Variants in AKAP12 observed in about 807,000 individuals in gnomAD.
AKAP12 encodes A-kinase anchoring protein 12.
AKAP12 carries 32 observed loss-of-function variants against 79.9 expected under a neutral mutation model. The ratio of observed to expected loss-of-function variants is 0.40; its 90% CI spans 0.30 to 0.54. AKAP12 has a LOEUF of 0.54. AKAP12 is among the 20% of genes least tolerant of loss of function. The pLI, the probability that AKAP12 is intolerant of heterozygous loss-of-function variation, is 0.48. For synonymous variants in AKAP12, 808 were observed against 857.0 expected (o/e 0.94, Z 1.00); for missense variants, 2,074 against 2,177.0 (o/e 0.95, Z 0.94).
chr6:151,273,351 T>C (rs1172829437), intron 2 of AKAP12, among the ~76,000 whole-genome samples: 2 of 152,218 alleles, frequency 1.3e-5, no homozygotes, highest in Admixed American at 1.3e-4. Context: ...GTTTGACTGT[T>C]AGATGCTAGT....
chr6:151,271,979 T>A (rs1008024603), intron 2 of AKAP12, among the ~76,000 whole-genome samples: 1 of 152,138 alleles, frequency 6.6e-6, no homozygotes, highest in Admixed American at 6.5e-5. Flanking sequence ...TTTAATGATA[T>A]CATCTAAGAT....
chr6:151,332,032 T>TG (rs1777686257), intron 3 of AKAP12, among the ~76,000 whole-genome samples: 1 of 95,676 alleles, frequency 1.0e-5, no homozygotes, highest in Admixed American at 9.5e-5. Flanking sequence ...GTTCTGGGTC[T>TG]GTTTTTTTTT....
chr6:151,272,613 G>A (rs1281285057), intron 2 of AKAP12, among the ~76,000 whole-genome samples: 8 of 152,290 alleles, frequency 5.3e-5, no homozygotes, highest in Admixed American at 2.6e-4. Flanking sequence ...TCGGCTCACT[G>A]CAACCTCTGC....
chr6:151,325,920 G>A, intron 3 of AKAP12: 1 of 1,614,176 alleles, frequency 6.2e-7, no homozygotes, highest in Non-Finnish European at 8.5e-7. Context: ...TGTCCTCCCT[G>A]GACGGCAGGC....
intron 2 of AKAP12, among the ~76,000 whole-genome samples, chr6:151,251,807 G>A (rs941285570): frequency 2.0e-5 from 3 of 152,146 alleles, no homozygotes; most frequent in African/African-American, 7.2e-5. Flanking sequence ...GATTAGCCTG[G>A]CCAACATGGT....
At chr6:151,274,519 C>T (rs1311610464) in intron 2 of AKAP12, among the ~76,000 whole-genome samples, 1 of 152,056 alleles carries the variant, frequency 6.6e-6, no homozygotes, top group Non-Finnish European at 1.5e-5. Flanking sequence ...GAATGTTTTC[C>T]TGAAGAAAGT....
rs1283665708 is a variant in AKAP12 at position 151,240,738 on chromosome 6, G to A, written c.162+14G>A. On this transcript the variant is annotated intron_variant, in intron 2 of 4. Coordinates refer to ENST00000402676, the MANE Select transcript of AKAP12 (RefSeq NM_005100.4). Reference sequence around the variant, plus strand: ...CCCGCCACCAAGGTACGGGCGTGCCGGGCCACCTGCGCCGGGAGGCGCGGG... The same window carrying A: ...CCCGCCACCAAGGTACGGGCGTGCCAGGCCACCTGCGCCGGGAGGCGCGGG... The A allele has an allele frequency of 1.6e-6, 2 of 1,242,668 alleles. No homozygotes were observed. Among genetic ancestry groups the A allele is most frequent in the East Asian group, 3.2e-5 (1 of 30,948 alleles). The allele number at this position is 1,242,668 out of a possible 1,614,324, so 77.0% of individuals were successfully genotyped here.
intron 3 of AKAP12, among the ~76,000 whole-genome samples, chr6:151,332,429 C>A (rs1454146050): frequency 6.6e-6 from 1 of 152,134 alleles, no homozygotes; most frequent in Non-Finnish European, 1.5e-5. Context: ...TTCTCTACAT[C>A]TTCTTTAAAA....
At chr6:151,342,526 A>C (rs1777979096) in intron 3 of AKAP12, among the ~76,000 whole-genome samples, 1 of 152,194 alleles carries the variant, frequency 6.6e-6, no homozygotes, top group African/African-American at 2.4e-5. Context: ...TTGCCCCAGC[A>C]CAGAGGGTAC....
intron 2 of AKAP12, among the ~76,000 whole-genome samples, chr6:151,272,891 AT>A (rs1304289837): frequency 6.6e-6 from 1 of 152,118 alleles, no homozygotes; most frequent in East Asian, 1.9e-4. Context: ...GATTTGTCAG[AT>A]TTATCTATGA....
intron 3 of AKAP12, among the ~76,000 whole-genome samples, chr6:151,347,456 G>A (rs116537520): frequency 6.7e-4 from 102 of 152,346 alleles, no homozygotes; most frequent in African/African-American, 2.4e-3. Flanking sequence ...TGGGTGTGAT[G>A]TGGGATTCCA....
chr6:151,268,315 G>A (rs1324264674), intron 2 of AKAP12, among the ~76,000 whole-genome samples: 1 of 152,132 alleles, frequency 6.6e-6, no homozygotes, highest in African/African-American at 2.4e-5. Context: ...TACTTGGGAG[G>A]CTGAGGCAGA....
At chr6:151,274,255 C>G (rs1373996303) in intron 2 of AKAP12, among the ~76,000 whole-genome samples, 4 of 151,880 alleles carry the variant, frequency 2.6e-5, no homozygotes, top group Non-Finnish European at 5.9e-5. Context: ...TTTTTGTATT[C>G]TTTTTGTAGA....
intron 2 of AKAP12, among the ~76,000 whole-genome samples, chr6:151,301,060 G>GT (rs1318009642): frequency 6.6e-6 from 1 of 152,146 alleles, no homozygotes; most frequent in East Asian, 1.9e-4. Flanking sequence ...TTCTTGTTTG[G>GT]TAACAGTTAA....
At chr6:151,268,954 T>G (rs973647303) in intron 2 of AKAP12, among the ~76,000 whole-genome samples, 4 of 122,626 alleles carry the variant, frequency 3.3e-5, no homozygotes, top group East Asian at 4.3e-4. Context: ...TGTTTTTTTT[T>G]TTTTTTTTTT....
Position 151,353,606 on chromosome 6 carries a change from G to A in AKAP12, c.5215G>A (p.Glu1739Lys), listed in dbSNP as rs1160419754. 6.2e-7 allele frequency: 1 copy of A among 1,614,118 alleles called. No homozygotes were observed. The highest frequency in any genetic ancestry group is 1.1e-5 in the South Asian group (1 of 91,080). ...AAATGGACCAAAACAAAAAGAGAAG[G>A]AGGATGCCCAGGAAGTAGAATTGCA... The part of the protein sequence containing the change: ...DTNGPKQKEK[E>K]DAQEVELQEG... Residue 1739 changes from glutamate (E) to lysine (K), a missense_variant, in exon 4 of 5, where the codon GAG (glutamate) becomes AAG (lysine). Physicochemically the swap from Glu to Lys is moderately conservative, Grantham distance 56. This residue lies in a region of AKAP12 where 614 missense variants were observed against 665.6 expected (regional missense o/e 0.92). Transcript: ENST00000402676.
At position 151,358,030 on chromosome 6, in the gene AKAP12, G is replaced by A. The variant is rs1778484776; in HGVS notation, c.*2316G>A. 1 of 152,146 alleles carries A rather than the reference G, an allele frequency of 6.6e-6. No homozygotes were observed. Among genetic ancestry groups the A allele is most frequent in the African/African-American group, 2.4e-5 (1 of 41,428 alleles). 9.4% of individuals were successfully genotyped at this position (152,146 alleles called of 1,614,324 possible). The stretch of plus-strand genomic sequence containing the variant: ...ACTGCTTTTTGTACTATCTGGATGT[G>A]CCCAGAGTTACTTCTGTACAAGCTC... On this transcript the variant is annotated 3_prime_UTR_variant, in exon 5 of 5. Transcript: ENST00000402676.
intron 2 of AKAP12, among the ~76,000 whole-genome samples, chr6:151,247,390 G>A (rs1482902989): frequency 6.6e-6 from 1 of 151,976 alleles, no homozygotes; most frequent in Non-Finnish European, 1.5e-5. Flanking sequence ...GGCAGAGCAA[G>A]ACCCTATCTC....
chr6:151,350,783 C>T lies in AKAP12; in HGVS notation c.2392C>T (p.Pro798Ser), dbSNP rs779813410. 5 of 1,613,928 alleles carry T rather than the reference C, an allele frequency of 3.1e-6. No individual in the cohort carries two copies. Among genetic ancestry groups the T allele is most frequent in the Non-Finnish European group, 4.2e-6 (5 of 1,179,940 alleles). Residue 798 changes from proline to serine, a missense_variant, in exon 4 of 5, where the codon CCC becomes TCC. This residue lies in a region of AKAP12 where 1,428 missense variants were observed against 1,451.0 expected (regional missense o/e 0.98). Coordinates refer to ENST00000402676, the MANE Select transcript of AKAP12 (RefSeq NM_005100.4). This position sits in a 1 kb window ranked among gnomAD's most constrained non-coding sequence, Gnocchi z 4.8. ...GVEHSTPDTE[P>S]GKEESWVSIK... ...AGAACATTCCACTCCAGACACTGAA[C>T]CCGGTAAAGAAGAATCCTGGGTCTC...
Sources: gnomAD v4.1 joint callset for allele counts (sites outside exome capture counted in the v4.1 genomes callset) on GRCh38, gnomAD v4.1.1 for gene constraint, gnomAD v4.1.1 regional missense constraint, Gnocchi (gnomAD v3.1) non-coding constraint, MANE v1.5 for transcripts, NCBI Gene and HGNC (gene_info 2026-07-23, HGNC 2026-07-21) for gene names.